Variants in PVT1 observed in about 807,000 individuals in gnomAD.
PVT1 encodes the protein CXCR4/PVT1 fusion.
chr8:127,865,417 G>A (rs982387792), intron 2 of PVT1, among the ~76,000 whole-genome samples: 1 of 152,146 alleles, frequency 6.6e-6, no homozygotes, highest in African/African-American at 2.4e-5. Flanking sequence ...AGTCACAGGT[G>A]GAATTAAAGC....
At chr8:128,076,738 A>G (rs1814095839) in intron 5 of PVT1, among the ~76,000 whole-genome samples, 2 of 152,196 alleles carry the variant, frequency 1.3e-5, no homozygotes, top group Non-Finnish European at 2.9e-5. Flanking sequence ...TTCATTTGGC[A>G]TTTGTGAGCC....
At chr8:127,940,310 A>C (rs1284368265) in intron 3 of PVT1, 1 of 152,158 alleles carries the variant, frequency 6.6e-6, no homozygotes, top group Non-Finnish European at 1.5e-5. Context: ...GAGTCAGCCC[A>C]AAATACAGTC....
At chr8:127,852,824 C>G (rs1815118830) in intron 2 of PVT1, among the ~76,000 whole-genome samples, 1 of 152,206 alleles carries the variant, frequency 6.6e-6, no homozygotes, top group South Asian at 2.1e-4. Context: ...ATGACATGTT[C>G]TGATGATCTG....
At chr8:128,079,226 A>C (rs550676952) in intron 5 of PVT1, among the ~76,000 whole-genome samples, 2 of 152,158 alleles carry the variant, frequency 1.3e-5, no homozygotes, top group South Asian at 4.1e-4. Flanking sequence ...CCTGTATCTC[A>C]AGAGGATCTC....
intron 4 of PVT1, among the ~76,000 whole-genome samples, chr8:128,031,936 T>C (rs1023483616): frequency 6.6e-6 from 1 of 152,218 alleles, no homozygotes; most frequent in African/African-American, 2.4e-5. Flanking sequence ...TGGAATATTG[T>C]GTTCCCCTAA....
At chr8:127,834,525 C>T (rs1348653981) in intron 2 of PVT1, among the ~76,000 whole-genome samples, 2 of 152,222 alleles carry the variant, frequency 1.3e-5, no homozygotes, top group Non-Finnish European at 2.9e-5. Context: ...GACTTCATGA[C>T]TAAAACACCA....
intron 5 of PVT1, among the ~76,000 whole-genome samples, chr8:128,079,667 A>G (rs1814148341): frequency 6.6e-6 from 1 of 151,990 alleles, no homozygotes; most frequent in Non-Finnish European, 1.5e-5. Flanking sequence ...ACTAATCTCC[A>G]TAGTTTTGTT....
chr8:127,804,664 C>T (rs542359405), intron 2 of PVT1, among the ~76,000 whole-genome samples: 42 of 150,264 alleles, frequency 2.8e-4, no homozygotes, highest in South Asian at 6.3e-4. Context: ...CCTTGGCCTC[C>T]GAGTAGCTGG....
chr8:128,039,165 T>C (rs1563672536), intron 4 of PVT1, among the ~76,000 whole-genome samples: 1 of 152,226 alleles, frequency 6.6e-6, no homozygotes, highest in Non-Finnish European at 1.5e-5. Context: ...CAATGACTGT[T>C]GCCGTGGGAA....
At chr8:127,921,412 T>G (rs1401013970) in intron 3 of PVT1, among the ~76,000 whole-genome samples, 2 of 150,572 alleles carry the variant, frequency 1.3e-5, no homozygotes, top group African/African-American at 4.9e-5. Context: ...GATGAAGGAG[T>G]GGAGTGAAGG....
chr8:127,989,073 T>C (rs1817001802), intron 3 of PVT1: 1 of 152,246 alleles, frequency 6.6e-6, no homozygotes, highest in Non-Finnish European at 1.5e-5. Flanking sequence ...TGTGCAGTCC[T>C]TATCTTTTAA....
At chr8:127,998,826 T>A in intron 4 of PVT1, among the ~76,000 whole-genome samples, 1 of 136,010 alleles carries the variant, frequency 7.4e-6, no homozygotes, top group South Asian at 2.4e-4. Context: ...TCCCCTTCCT[T>A]CCTTCCTTCC....
chr8:127,888,799 C>G (rs1815558549), intron 2 of PVT1, among the ~76,000 whole-genome samples: 1 of 152,228 alleles, frequency 6.6e-6, no homozygotes, highest in Non-Finnish European at 1.5e-5. Context: ...TGCAGCCCTC[C>G]CAACAGCCTG....
intron 4 of PVT1, among the ~76,000 whole-genome samples, chr8:128,019,767 A>G (rs1042077733): frequency 1.3e-5 from 2 of 152,210 alleles, no homozygotes; most frequent in Non-Finnish European, 2.9e-5. Flanking sequence ...CTGGAAAGGC[A>G]GAATCGGCCC....
At chr8:127,982,147 GGTT>G (rs1205188542) in intron 3 of PVT1, among the ~76,000 whole-genome samples, 1 of 152,152 alleles carries the variant, frequency 6.6e-6, no homozygotes, top group Non-Finnish European at 1.5e-5. Context: ...CACCTTCTTG[GGTT>G]GTTGTAGGGA....
At chr8:128,046,502 C>A (rs1164326971) in intron 4 of PVT1, among the ~76,000 whole-genome samples, 1 of 152,194 alleles carries the variant, frequency 6.6e-6, no homozygotes. Context: ...TACTGGTTCC[C>A]ACATGGCCGA....
chr8:127,962,394 T>G (rs781675124), intron 3 of PVT1, among the ~76,000 whole-genome samples: 5 of 152,254 alleles, frequency 3.3e-5, no homozygotes, highest in African/African-American at 9.6e-5. Context: ...CATGTGTTCC[T>G]TCTTAATCCT....
intron 4 of PVT1, among the ~76,000 whole-genome samples, chr8:128,066,247 G>A (rs1175226043): frequency 1.3e-5 from 2 of 152,192 alleles, no homozygotes; most frequent in African/African-American, 4.8e-5. Flanking sequence ...TCTGGCCAAG[G>A]AGTAGTGAGC....
intron 4 of PVT1, among the ~76,000 whole-genome samples, chr8:128,027,939 GC>G (rs1813333198): frequency 6.6e-6 from 1 of 152,164 alleles, no homozygotes; most frequent in Admixed American, 6.5e-5. Flanking sequence ...CATACCTGAG[GC>G]CCCCAGCTGG....
Sources: gnomAD v4.1 joint callset for allele counts (sites outside exome capture counted in the v4.1 genomes callset) on GRCh38, gnomAD v4.1.1 for gene constraint, MANE v1.5 for transcripts, NCBI Gene and HGNC (gene_info 2026-07-23, HGNC 2026-07-21) for gene names.